Variants in GMPS observed in about 807,000 individuals in gnomAD.
The protein encoded by GMPS is GMP synthase [glutamine-hydrolyzing].
In GMPS, 15 loss-of-function variants were observed where a neutral mutation model predicts 77.9. The observed-to-expected ratio is 0.19, with a 90% CI of 0.13 to 0.30. The LOEUF (loss-of-function observed/expected upper bound fraction) is 0.30, where lower values mean the gene tolerates loss of function less well. Ranked by LOEUF, GMPS falls within the 10% of genes least tolerant of loss-of-function variation. GMPS has a pLI of 1.00. For synonymous variants in GMPS, 224 were observed against 275.9 expected (o/e 0.81, Z 1.86); for missense variants, 590 against 838.8 (o/e 0.70, Z 3.66).
chr3:155,911,591 C>T (rs1313922405), intron 7 of GMPS, among the ~76,000 whole-genome samples: 1 of 152,120 alleles, frequency 6.6e-6, no homozygotes, highest in Non-Finnish European at 1.5e-5. Context: ...AATCCCAGCA[C>T]TTAGGGAGAT....
intron 11 of GMPS, among the ~76,000 whole-genome samples, chr3:155,923,833 A>G (rs1755384458): frequency 6.6e-6 from 1 of 151,964 alleles, no homozygotes; most frequent in Non-Finnish European, 1.5e-5. Flanking sequence ...GGACCTGGGC[A>G]TTCCAAGTAA....
intron 5 of GMPS, among the ~76,000 whole-genome samples, 163 bp from the exon 6 acceptor site, chr3:155,910,529 A>T (rs1018055165): frequency 1.6e-4 from 24 of 145,912 alleles, no homozygotes; most frequent in African/African-American, 6.1e-4. Context: ...AGATCATGCC[A>T]CTGCACTCCA....
At chr3:155,891,389 A>G (rs1161202160) in intron 1 of GMPS, among the ~76,000 whole-genome samples, 4 of 152,196 alleles carry the variant, frequency 2.6e-5, no homozygotes, top group African/African-American at 9.7e-5. Flanking sequence ...TTATAGAGAA[A>G]ATCCATGAAG....
intron 5 of GMPS, among the ~76,000 whole-genome samples, chr3:155,908,475 A>G (rs1478975059): frequency 6.6e-6 from 1 of 152,186 alleles, no homozygotes; most frequent in African/African-American, 2.4e-5. Flanking sequence ...TGGTCATGTG[A>G]AAAGAACCCG....
chr3:155,929,543 G>T (rs1334072282), intron 12 of GMPS, among the ~76,000 whole-genome samples: 3 of 148,994 alleles, frequency 2.0e-5, no homozygotes, highest in African/African-American at 5.0e-5. Flanking sequence ...GAAATAAAGG[G>T]TATTCAATTA....
rs989538181 is a variant in GMPS, at chr3:155,897,860, G to T, written c.210-67G>T. 1.8e-5 allele frequency: 15 copies of T among 821,244 alleles called. No homozygotes were observed. The Admixed American group carries it at 2.7e-4, about 15-fold the overall frequency. The allele number at this position is 821,244 out of a possible 1,614,324, so 50.9% of individuals were successfully genotyped here. A position where few individuals can be genotyped will look rare whatever the true frequency, so the allele number is the denominator to read the frequency against. On this transcript the variant is annotated intron_variant, in intron 2 of 15. Transcript: ENST00000496455. ...TGTTGTTTCCCTCAGTGGTACAAGG[G>T]AGAGAGGGCATAGACCTTGTATAAA...
chr3:155,934,825 T>C (rs1292659451), intron 13 of GMPS, 91 bp from the exon 14 acceptor site: 1 of 814,870 alleles, frequency 1.2e-6, no homozygotes, highest in Non-Finnish European at 2.0e-6. Flanking sequence ...GAAAGAATGT[T>C]ACTGTTCTAA....
At chr3:155,909,906 C>T (rs1204072365) in intron 5 of GMPS, among the ~76,000 whole-genome samples, 1 of 150,952 alleles carries the variant, frequency 6.6e-6, no homozygotes, top group East Asian at 2.0e-4. Flanking sequence ...TACACCTCTG[C>T]ACTCCAGCCT....
intron 1 of GMPS, among the ~76,000 whole-genome samples, chr3:155,886,785 C>T (rs1405359684): frequency 6.6e-6 from 1 of 151,804 alleles, no homozygotes; most frequent in African/African-American, 2.4e-5. Context: ...GGATTACAGG[C>T]GTGAGCCACC....
chr3:155,908,521 G>A (rs776399411), intron 5 of GMPS, among the ~76,000 whole-genome samples: 7 of 152,218 alleles, frequency 4.6e-5, no homozygotes, highest in Non-Finnish European at 8.8e-5. Context: ...AAGTTGTTAG[G>A]ACCAGGGTGG....
chr3:155,932,201 T>C (rs1380962650), intron 13 of GMPS, among the ~76,000 whole-genome samples: 1 of 152,062 alleles, frequency 6.6e-6, no homozygotes, highest in Non-Finnish European at 1.5e-5. Flanking sequence ...ATATTAGCTG[T>C]TGGTTTTATG....
chr3:155,910,586 A>AAAC lies in GMPS; in HGVS notation c.527-104_527-103insCAA, dbSNP rs1339285699. 1.6e-5 allele frequency: 9 copies of AAAC among 561,328 alleles called. No homozygotes were observed. The East Asian group carries it at 2.9e-4, about 18-fold the overall frequency. The allele number at this position is 561,328 out of a possible 1,614,324, so 34.8% of individuals were successfully genotyped here. A position where few individuals can be genotyped will look rare whatever the true frequency, so the allele number is the denominator to read the frequency against. ...TCTGTCTCAAAAAAAAAAAAAAAAA[A>AAAC]AAAATGAAACCATAGAGGCAGAGAT... On this transcript the variant is annotated intron_variant, in intron 5 of 15. Coordinates refer to ENST00000496455, the MANE Select transcript of GMPS (RefSeq NM_003875.3).
At position 155,891,604 on chromosome 3, in the gene GMPS, C is replaced by CTT. The variant is rs35759331; in HGVS notation, c.28-1896_28-1895dup. On this transcript the variant is annotated intron_variant, in intron 1 of 15. Coordinates refer to ENST00000496455, the MANE Select transcript of GMPS (RefSeq NM_003875.3). ...CTGTAGATGACTGATTTGTTTGTTA[C>CTT]TTTTTTTTTTTTTTTTTTTGAGATG... is the stretch of plus-strand genomic sequence containing the variant. 8.8e-3 allele frequency among the ~76,000 whole-genome samples: 1,123 copies of CTT among 127,848 alleles called. 7 individuals are homozygous for CTT. Among genetic ancestry groups the CTT allele is most frequent in the South Asian group, 0.02 (78 of 3,884 alleles). The allele number at this position is 127,848 out of a possible 152,430, so 83.9% of individuals were successfully genotyped here.
At chr3:155,893,449 A>AG in intron 1 of GMPS, 69 bp from the exon 2 acceptor site, 51 of 1,020,426 alleles carry the variant, frequency 5.0e-5, no homozygotes, top group South Asian at 3.0e-4. Context: ...AGTGATCATT[A>AG]ATTTTTTTTT....
At chr3:155,900,133 A>G (rs1754701593) in intron 3 of GMPS, among the ~76,000 whole-genome samples, 1 of 152,134 alleles carries the variant, frequency 6.6e-6, no homozygotes, top group Non-Finnish European at 1.5e-5. Context: ...TATTCTAAGG[A>G]GAGTAATTAC....
chr3:155,935,776 A>G (rs1408396597), intron 14 of GMPS, among the ~76,000 whole-genome samples: 1 of 152,156 alleles, frequency 6.6e-6, no homozygotes, highest in Non-Finnish European at 1.5e-5. Context: ...CTGGGTTCCT[A>G]AGCACAGGAA....
intron 5 of GMPS, among the ~76,000 whole-genome samples, chr3:155,906,576 C>T (rs1754888515): frequency 6.6e-6 from 1 of 152,158 alleles, no homozygotes. Flanking sequence ...TGAGAACTCG[C>T]TGTCTTCATA....
In GMPS at chr3:155,914,399, G is replaced by T. The variant is rs370877543; in HGVS notation, c.887-20G>T. The T allele has an allele frequency of 4.7e-6, 7 of 1,495,696 alleles. No individual in the cohort carries two copies. Among genetic ancestry groups the T allele is most frequent in the Non-Finnish European group, 6.2e-6 (7 of 1,122,648 alleles). 92.7% of individuals were successfully genotyped at this position (1,495,696 alleles called of 1,614,324 possible). A position where few individuals can be genotyped will look rare whatever the true frequency, so the allele number is the denominator to read the frequency against. ...AAAACATGTTATACCAATTTAAAAC[G>T]CTTCTCCCCTTTCCTCCAGTGATAA... On this transcript the variant is annotated intron_variant, in intron 7 of 15. Coordinates refer to ENST00000496455, the MANE Select transcript of GMPS (RefSeq NM_003875.3).
chr3:155,928,050 G>C (rs1269626092), intron 12 of GMPS, among the ~76,000 whole-genome samples: 5 of 84,626 alleles, frequency 5.9e-5, no homozygotes, highest in Non-Finnish European at 8.6e-5. Context: ...TTTTTGAGAT[G>C]GAGTCTTGCT....
Sources: gnomAD v4.1 joint callset for allele counts (sites outside exome capture counted in the v4.1 genomes callset) on GRCh38, gnomAD v4.1.1 for gene constraint, MANE v1.5 for transcripts, NCBI Gene and HGNC (gene_info 2026-07-23, HGNC 2026-07-21) for gene names.